The following ASZ1 variants were observed in gnomAD, a reference collection of about 807,000 sequenced individuals.
The protein encoded by ASZ1 is ankyrin repeat, SAM and basic leucine zipper domain containing 1, also known as ankyrin repeat, SAM and basic leucine zipper domain-containing protein 1.
A neutral mutation model predicts 61.8 loss-of-function variants in ASZ1; 67 were observed. That is an observed-to-expected ratio of 1.08 (90% CI 0.89 to 1.33). The LOEUF is 1.33. Among genes scored for constraint, ASZ1 ranks in the 40% most tolerant of loss-of-function variants. The pLI, the probability that ASZ1 is intolerant of heterozygous loss-of-function variation, is 0.00. For synonymous variants in ASZ1, 193 were observed against 192.7 expected (o/e 1.00, Z -0.01); for missense variants, 577 against 554.5 (o/e 1.04, Z -0.41).
intron 4 of ASZ1, among the ~76,000 whole-genome samples, chr7:117,413,488 A>C (rs1409629438): frequency 6.6e-6 from 1 of 152,030 alleles, no homozygotes; most frequent in African/African-American, 2.4e-5. Flanking sequence ...AGCCAAAATA[A>C]ACCAGTATTA....
chr7:117,421,403 C>T (rs61711770), intron 3 of ASZ1, among the ~76,000 whole-genome samples: 19,923 of 151,912 alleles, frequency 0.13, 3,109 homozygotes, highest in African/African-American at 0.38. Flanking sequence ...TTAGTAGAGA[C>T]AAAGTCTCAC....
chr7:117,367,973 T>C (rs898770119), intron 11 of ASZ1: 2 of 714,724 alleles, frequency 2.8e-6, no homozygotes, highest in South Asian at 1.3e-4. Context: ...CCTCAACCTC[T>C]TGGGCTCAAG....
intron 11 of ASZ1, 184 bp from the exon 12 acceptor site, chr7:117,367,649 C>A: frequency 1.8e-6 from 2 of 1,101,914 alleles, no homozygotes; most frequent in African/African-American, 3.3e-5. Flanking sequence ...AATGAGCTTG[C>A]CAAATGCATT....
intron 4 of ASZ1, among the ~76,000 whole-genome samples, chr7:117,404,236 G>A (rs4727850): frequency 0.13 from 19,542 of 152,020 alleles, 1,803 homozygotes; most frequent in East Asian, 0.44. Context: ...CTCTCTGTGG[G>A]AGGGGTGGTG....
chr7:117,375,314 T>G (rs59370588), intron 10 of ASZ1, among the ~76,000 whole-genome samples: 146 of 152,172 alleles, frequency 9.6e-4, no homozygotes, highest in African/African-American at 3.4e-3. Flanking sequence ...AACTGTTATC[T>G]TATTTATTCT....
At chr7:117,366,365 G>T (rs964781412) in intron 12 of ASZ1, among the ~76,000 whole-genome samples, 2 of 151,424 alleles carry the variant, frequency 1.3e-5, no homozygotes, top group African/African-American at 2.4e-5. Flanking sequence ...TTGAAGAAAA[G>T]AACTTTTTTG....
intron 4 of ASZ1, among the ~76,000 whole-genome samples, chr7:117,394,038 A>G (rs563804201): frequency 6.6e-6 from 1 of 152,280 alleles, no homozygotes; most frequent in Admixed American, 6.5e-5. Flanking sequence ...CTCCTCAGCT[A>G]CTAGAACACC....
In ASZ1 at chr7:117,370,624, TAACA is replaced by T. The variant is rs576440018; in HGVS notation, c.1056-1911_1056-1908del. On this transcript the variant is annotated intron_variant, in intron 10 of 12. Coordinates refer to ENST00000284629, the MANE Select transcript of ASZ1 (RefSeq NM_130768.3). ...AAGAAAGAAACAAAATTTGAATGGA[TAACA>T]AATATGGGAATACAATAACCATAAG... 2.5e-3 allele frequency among the ~76,000 whole-genome samples: 383 copies of T among 152,188 alleles called. 1 individual carries two copies. The highest frequency in any genetic ancestry group is 8.6e-3 in the African/African-American group (357 of 41,508).
intron 1 of ASZ1, 113 bp downstream of exon 1, chr7:117,427,243 G>C: frequency 8.1e-7 from 1 of 1,232,018 alleles, no homozygotes; most frequent in Non-Finnish European, 1.2e-6. Flanking sequence ...TTTCCACTGG[G>C]TAAAAGGGAA....
chr7:117,384,032 G>A (rs1474785200), intron 6 of ASZ1, among the ~76,000 whole-genome samples: 1 of 151,928 alleles, frequency 6.6e-6, no homozygotes, highest in Non-Finnish European at 1.5e-5. Context: ...CGGAATCTTT[G>A]GAATTTTACG....
chr7:117,390,910 G>T (rs1456440748), intron 4 of ASZ1, among the ~76,000 whole-genome samples: 1 of 151,820 alleles, frequency 6.6e-6, no homozygotes, highest in Non-Finnish European at 1.5e-5. Context: ...CACCATCATG[G>T]CCAGGCTGGT....
In ASZ1 at chr7:117,367,361, T is replaced by C; in HGVS notation, c.1266A>G (p.Leu422=). The change falls in exon 12 of 13, where the codon CTA becomes CTG. Residue 422 remains leucine, a synonymous_variant. Transcript: ENST00000284629. ...LSEKVCKLKD[L]IQKLQNEREN... ...AATGTTAAATATATACCTTTTGAAT[T>C]AGGTCTTTTAGTTTGCAGACCTTTT... The C allele has an allele frequency of 6.5e-7, 1 of 1,531,840 alleles. No homozygotes were observed. The allele number at this position is 1,531,840 out of a possible 1,614,324, so 94.9% of individuals were successfully genotyped here. A position where few individuals can be genotyped will look rare whatever the true frequency, so the allele number is the denominator to read the frequency against.
intron 8 of ASZ1, 51 bp downstream of exon 8, chr7:117,382,018 C>A (rs1312058041): frequency 8.5e-7 from 1 of 1,180,488 alleles, no homozygotes; most frequent in East Asian, 2.4e-5. Context: ...TTATATTAAC[C>A]AACAAATTAA....
chr7:117,419,952 T>C (rs947621069), intron 4 of ASZ1, among the ~76,000 whole-genome samples: 2 of 152,196 alleles, frequency 1.3e-5, no homozygotes, highest in African/African-American at 4.8e-5. Context: ...TAAATTCTTA[T>C]GACGTTTCTC....
At chr7:117,386,449 AAAT>A (rs1244406255) in intron 4 of ASZ1, among the ~76,000 whole-genome samples, 2 of 152,086 alleles carry the variant, frequency 1.3e-5, no homozygotes, top group Non-Finnish European at 2.9e-5. Flanking sequence ...TCATTTCCCA[AAAT>A]TAGAGATTCA....
At chr7:117,401,999 TG>T (rs1356268551) in intron 4 of ASZ1, among the ~76,000 whole-genome samples, 4 of 152,320 alleles carry the variant, frequency 2.6e-5, no homozygotes, top group Admixed American at 6.5e-5. Flanking sequence ...GAGTGATTTT[TG>T]GGGGCCAGGT....
Position 117,427,304 on chromosome 7 carries a change from G to GCCTTCA in ASZ1, c.105+51_105+52insTGAAGG, listed in dbSNP as rs1399246569. On this transcript the variant is annotated intron_variant, in intron 1 of 12. Transcript: ENST00000284629. ...CACGAGGCTGGGCCTCGCCTTCGAG[G>GCCTTCA]GCCAGGGGAGGCTGAAACCAGGTGT... The GCCTTCA allele has an allele frequency of 2.5e-6, 4 of 1,586,110 alleles. No homozygotes were observed. In the African/African-American group the frequency reaches 5.4e-5, roughly 21 times the overall value.
In ASZ1 at chr7:117,363,586, A is replaced by G; in HGVS notation, c.*10T>C. 7 of 1,586,178 alleles carry G rather than the reference A, an allele frequency of 4.4e-6. No homozygotes were observed. The highest frequency in any genetic ancestry group is 6.0e-6 in the Non-Finnish European group (7 of 1,168,282). On this transcript the variant is annotated 3_prime_UTR_variant, in exon 13 of 13. Transcript: ENST00000284629. ...AGATGTGTATATATAACTTAAAACAAATATTTGGATTATTTCCTCTGGAAA... is the reference window on the plus strand; with the variant it reads ...AGATGTGTATATATAACTTAAAACAGATATTTGGATTATTTCCTCTGGAAA...
intron 10 of ASZ1, among the ~76,000 whole-genome samples, chr7:117,377,998 A>G (rs549110085): frequency 6.6e-6 from 1 of 152,266 alleles, no homozygotes; most frequent in East Asian, 1.9e-4. Context: ...GAAAAAAAAA[A>G]TGAACCTCAG....
Sources: gnomAD v4.1 joint callset for allele counts (sites outside exome capture counted in the v4.1 genomes callset) on GRCh38, gnomAD v4.1.1 for gene constraint, MANE v1.5 for transcripts, NCBI Gene and HGNC (gene_info 2026-07-23, HGNC 2026-07-21) for gene names.